The following SOX5 variants were observed in gnomAD, a reference collection of about 807,000 sequenced individuals.
SOX5 encodes transcription factor SOX-5.
Under a neutral mutation model 92.0 loss-of-function variants are expected in SOX5, and 9 were observed. That is an observed-to-expected ratio of 0.10 (90% confidence interval 0.06 to 0.17). SOX5 has a LOEUF of 0.17. Ranked by LOEUF, SOX5 falls within the 10% of genes least tolerant of loss-of-function variation. The pLI, the probability that SOX5 is intolerant of heterozygous loss-of-function variation, is 1.00. For missense variants in SOX5, 642 were observed against 944.5 expected (o/e 0.68, Z 4.20); for synonymous variants, 344 against 336.3 (o/e 1.02, Z -0.25).
chr12:23,804,903 C>A (rs1188294845), intron 3 of SOX5, among the ~76,000 whole-genome samples: 1 of 108,578 alleles, frequency 9.2e-6, no homozygotes, highest in Non-Finnish European at 1.8e-5. Flanking sequence ...TCTCTATTTA[C>A]CTATCATTGT....
At chr12:23,627,056 T>C (rs1286076362) in intron 8 of SOX5, among the ~76,000 whole-genome samples, 1 of 152,200 alleles carries the variant, frequency 6.6e-6, no homozygotes, top group Non-Finnish European at 1.5e-5. Context: ...GCCTTTATAA[T>C]GCCCTAATTA....
At chr12:24,369,328 T>C (rs550103449) in intron 1 of SOX5, among the ~76,000 whole-genome samples, 1 of 152,232 alleles carries the variant, frequency 6.6e-6, no homozygotes, top group East Asian at 1.9e-4. Flanking sequence ...GCAGTATCAG[T>C]TTTGCCTCTC....
chr12:23,653,029 T>C (rs865818062), intron 7 of SOX5, among the ~76,000 whole-genome samples: 4 of 125,370 alleles, frequency 3.2e-5, no homozygotes, highest in African/African-American at 1.5e-4. Flanking sequence ...AATGTACAGA[T>C]AGATGGATGG....
chr12:23,572,472 A>C (rs1428040496), intron 10 of SOX5, among the ~76,000 whole-genome samples: 2 of 151,680 alleles, frequency 1.3e-5, no homozygotes, highest in Admixed American at 6.6e-5. Flanking sequence ...AAAAAAAGAG[A>C]TGTTTTAGTA....
At chr12:24,322,402 A>AAGG (rs397711995) in intron 2 of SOX5, among the ~76,000 whole-genome samples, 8 of 151,890 alleles carry the variant, frequency 5.3e-5, no homozygotes, top group African/African-American at 1.9e-4. Flanking sequence ...AAAACTAAAG[A>AAGG]TAACAAAGTC....
At chr12:23,847,107 CAGG>C (rs377608856) in intron 2 of SOX5, among the ~76,000 whole-genome samples, 67 of 152,012 alleles carry the variant, frequency 4.4e-4, no homozygotes, top group African/African-American at 1.4e-3. Flanking sequence ...TAGAAATTAT[CAGG>C]AGGAGTGATA....
At chr12:23,544,691 G>C (rs1387230180) in intron 12 of SOX5, among the ~76,000 whole-genome samples, 2 of 152,122 alleles carry the variant, frequency 1.3e-5, no homozygotes, top group Non-Finnish European at 2.9e-5. Context: ...TTGAATTTAG[G>C]TAATGACAGC....
At chr12:24,159,257 G>A (rs1268484993) in intron 4 of SOX5, among the ~76,000 whole-genome samples, 3 of 151,724 alleles carry the variant, frequency 2.0e-5, no homozygotes, top group Non-Finnish European at 2.9e-5. Context: ...CTATTACAAT[G>A]TGTCAGGCTA....
chr12:23,570,968 TATATATATATATATA>T (rs1565916325), intron 10 of SOX5, among the ~76,000 whole-genome samples: 8 of 101,356 alleles, frequency 7.9e-5, no homozygotes, highest in East Asian at 2.7e-4. Flanking sequence ...TATATATATA[TATATATATATATATA>T]TTTTCATATT....
At chr12:24,532,121 G>A (rs1203100964) in intron 1 of SOX5, among the ~76,000 whole-genome samples, 1 of 152,156 alleles carries the variant, frequency 6.6e-6, no homozygotes, top group East Asian at 1.9e-4. Flanking sequence ...TCCCTGCAGT[G>A]TAGAAAATAA....
In SOX5 at chr12:23,963,463, C is replaced by G. The variant is rs148115680; in HGVS notation, c.-1-67439G>C. ...CTGCAGTTTTTTTAAATTATAAAAG[C>G]AGATGCAGGATTCAGGGGAATGTCC... On this transcript the variant is annotated intron_variant, in intron 4 of 4. Coordinates refer to the SOX5 transcript ENST00000446891. 1.7e-3 allele frequency among the ~76,000 whole-genome samples: 253 copies of G among 152,122 alleles called. 2 individuals carry two copies. Among genetic ancestry groups the G allele is most frequent in the African/African-American group, 5.8e-3 (239 of 41,486 alleles).
chr12:23,594,768 T>A (rs1952098285), intron 9 of SOX5, among the ~76,000 whole-genome samples: 1 of 152,188 alleles, frequency 6.6e-6, no homozygotes, highest in Non-Finnish European at 1.5e-5. Context: ...TTCTCCTTCA[T>A]GTTCACTGCA....
intron 1 of SOX5, among the ~76,000 whole-genome samples, chr12:24,465,205 A>G (rs1944091230): frequency 6.6e-6 from 1 of 152,236 alleles, no homozygotes; most frequent in African/African-American, 2.4e-5. Flanking sequence ...ACCCAAAACC[A>G]CACAACTAAT....
chr12:24,242,814 A>G (rs1937717047), intron 3 of SOX5, among the ~76,000 whole-genome samples: 1 of 152,108 alleles, frequency 6.6e-6, no homozygotes, highest in African/African-American at 2.4e-5. Flanking sequence ...AAATGGGTGA[A>G]TATTTTAACT....
chr12:24,234,862 T>A lies in SOX5; in HGVS notation c.-76-21445A>T, dbSNP rs111857866. Among the ~76,000 whole-genome samples, 1,096 of 152,112 alleles carry A rather than the reference T, an allele frequency of 7.2e-3. 15 individuals carry two copies. The highest frequency in any genetic ancestry group is 0.025 in the African/African-American group (1,029 of 41,504). ...TGGAGACAATTTTGCTTGTCCCAAG[T>A]GAGGTGGGAGTGAGAGGGGGTGCTC... is the stretch of plus-strand genomic sequence containing the variant. On this transcript the variant is annotated intron_variant, in intron 3 of 4. Transcript: ENST00000446891.
intron 4 of SOX5, among the ~76,000 whole-genome samples, chr12:24,132,147 C>A (rs1949706037): frequency 6.6e-6 from 1 of 151,932 alleles, no homozygotes; most frequent in Admixed American, 6.6e-5. Flanking sequence ...ACGTGTAGAT[C>A]ATACATGTGC....
chr12:23,815,737 G>C (rs143539740), intron 3 of SOX5, among the ~76,000 whole-genome samples: 10 of 152,262 alleles, frequency 6.6e-5, no homozygotes, highest in African/African-American at 2.2e-4. Flanking sequence ...GAATGGTTCT[G>C]GTCGGAGATA....
At chr12:23,969,426 A>G (rs982977429) in intron 4 of SOX5, among the ~76,000 whole-genome samples, 2 of 152,126 alleles carry the variant, frequency 1.3e-5, no homozygotes, top group African/African-American at 4.8e-5. Flanking sequence ...AATTTCTCAC[A>G]TAGAATAAAA....
intron 2 of SOX5, among the ~76,000 whole-genome samples, chr12:23,857,806 C>G (rs1421712020): frequency 6.6e-6 from 1 of 150,876 alleles, no homozygotes; most frequent in African/African-American, 2.4e-5. Context: ...GATCTTGGCT[C>G]ACTGCAACCT....
Sources: gnomAD v4.1 joint callset for allele counts (sites outside exome capture counted in the v4.1 genomes callset) on GRCh38, gnomAD v4.1.1 for gene constraint, MANE v1.5 for transcripts, NCBI Gene and HGNC (gene_info 2026-07-23, HGNC 2026-07-21) for gene names.